DNAH10: variants seen among roughly 807,000 people sequenced by gnomAD.
DNAH10 encodes the protein axonemal beta dynein heavy chain 10.
DNAH10 carries 348 observed loss-of-function variants against 506.6 expected under a neutral mutation model. That is an observed-to-expected ratio of 0.69 (90% CI 0.63 to 0.75). The LOEUF is 0.75. Ranked by LOEUF, DNAH10 falls within the 30% of genes least tolerant of loss-of-function variation. The pLI is 0.00. For missense variants in DNAH10, 5,179 were observed against 5,787.1 expected (o/e 0.89, Z 3.41); for synonymous variants, 2,059 against 2,198.6 (o/e 0.94, Z 1.78).
At chr12:123,779,234 T>C (rs1957553297) in intron 5 of DNAH10, among the ~76,000 whole-genome samples, 1 of 151,690 alleles carries the variant, frequency 6.6e-6, no homozygotes, top group Admixed American at 6.6e-5. Flanking sequence ...AGAGATGGGG[T>C]CTCCCTATGT....
At chr12:123,899,301 T>C (rs529099984) in intron 56 of DNAH10, among the ~76,000 whole-genome samples, 39 of 152,302 alleles carry the variant, frequency 2.6e-4, no homozygotes, top group South Asian at 2.1e-4. Context: ...TCGCGATGCC[T>C]GGCACAGGAC....
chr12:123,897,162 G>T (rs1355892290), intron 54 of DNAH10, among the ~76,000 whole-genome samples: 1 of 152,166 alleles, frequency 6.6e-6, no homozygotes, highest in Non-Finnish European at 1.5e-5. Context: ...GCTCATCCGT[G>T]TTTCAGCATC....
chr12:123,916,528 G>T lies in DNAH10; in HGVS notation c.10794G>T (p.Leu3598=). The change falls in exon 63 of 79, where the codon CTG becomes CTT. Residue 3598 remains leucine, a synonymous_variant. Transcript: ENST00000673944. This position sits in a 1 kb window ranked among gnomAD's most constrained non-coding sequence, Gnocchi z 4.6. ...CCATAAAGTACGGGACCCCTTTCCT[G>T]TTCCGCGATGTTGATGAATACATCG... ...EMSIKYGTPF[L]FRDVDEYIDP... The T allele has an allele frequency of 6.2e-7, 1 of 1,613,860 alleles. No homozygotes were observed. Among genetic ancestry groups the T allele is most frequent in the Non-Finnish European group, 8.5e-7 (1 of 1,179,876 alleles).
intron 69 of DNAH10, chr12:123,927,215 T>A (rs1954985908): frequency 5.3e-6 from 1 of 190,452 alleles, no homozygotes; most frequent in Non-Finnish European, 1.1e-5. Flanking sequence ...CCTGGCTAAT[T>A]TTTTTGGTAT....
At chr12:123,768,117 TCTC>T (rs747242172) in intron 2 of DNAH10, among the ~76,000 whole-genome samples, 128 of 150,538 alleles carry the variant, frequency 8.5e-4, no homozygotes, top group Admixed American at 3.0e-3. Flanking sequence ...GTGTGTCCTC[TCTC>T]CTCCTCCTCC....
At position 123,789,831 on chromosome 12, in the gene DNAH10, C is replaced by T. The variant is rs187566203; in HGVS notation, c.1621-96C>T. On this transcript the variant is annotated intron_variant, in intron 10 of 78. Transcript: ENST00000673944. ...AGGTTACTGTGTGACATGATTCTTGCCCCCAGGTCAGTCTCGATATGCTAT... is the reference window on the plus strand; with the variant it reads ...AGGTTACTGTGTGACATGATTCTTGTCCCCAGGTCAGTCTCGATATGCTAT... 5.2e-6 allele frequency: 6 copies of T among 1,145,792 alleles called. No homozygotes were observed. The African/African-American group carries it at 7.8e-5, about 15-fold the overall frequency. The allele number at this position is 1,145,792 out of a possible 1,614,324, so 71.0% of individuals were successfully genotyped here.
intron 19 of DNAH10, among the ~76,000 whole-genome samples, chr12:123,810,200 G>A (rs1958877739): frequency 6.6e-6 from 1 of 152,140 alleles, no homozygotes; most frequent in African/African-American, 2.4e-5. Flanking sequence ...GAAAACCCAA[G>A]GTTTATGTCT....
rs1407687178 is a variant in DNAH10, at chr12:123,913,355, A to G, written c.10352+40A>G. 30 of 1,519,178 alleles carry G rather than the reference A, an allele frequency of 2.0e-5. No individual in the cohort carries two copies. In the East Asian group the frequency reaches 4.6e-4, roughly 23 times the overall value. The allele number at this position is 1,519,178 out of a possible 1,614,324, so 94.1% of individuals were successfully genotyped here. ...CGAGCCCACCTGTTGCGGTTTGTAA[A>G]CGGACGTCACCCACAGAGTTTCTCG... On this transcript the variant is annotated intron_variant, in intron 60 of 78. Transcript: ENST00000673944. This position sits in a 1 kb window ranked among gnomAD's most constrained non-coding sequence, Gnocchi z 5.1.
At chr12:123,763,947 C>G (rs1161975898) in intron 1 of DNAH10, among the ~76,000 whole-genome samples, 1 of 150,948 alleles carries the variant, frequency 6.6e-6, no homozygotes, top group South Asian at 2.1e-4. Flanking sequence ...CTCACTGCAA[C>G]CTCCACCTCC....
Position 123,918,702 on chromosome 12 carries a change from G to T in DNAH10, c.11259G>T (p.Glu3753Asp), listed in dbSNP as rs771349572. Residue 3753 changes from glutamate (E) to aspartate (D), a missense_variant, in exon 65 of 79, where the codon GAG (glutamate) becomes GAT (aspartate). Around this residue, in one of 3 missense-constraint regions of DNAH10, gnomAD observed 4,844 missense variants for 5,430.5 expected, o/e 0.89. Coordinates refer to ENST00000673944, the MANE Select transcript of DNAH10 (RefSeq NM_001372106.1). Reference protein sequence around the residue: ...TEVSEKLKLAEKTALDIDRLR... With the variant: ...TEVSEKLKLADKTALDIDRLR... The stretch of plus-strand genomic sequence containing the variant: ...TCTCAGAGAAACTCAAGCTGGCGGA[G>T]AAGACAGCCTTGGACATCGACAGGC... 24 of 1,567,556 alleles carry T rather than the reference G, an allele frequency of 1.5e-5. No individual in the cohort carries two copies. The highest frequency in any genetic ancestry group is 1.7e-4 in the Middle Eastern group (1 of 5,846).
In DNAH10 at chr12:123,796,657, T is replaced by C; in HGVS notation, c.1988T>C (p.Ile663Thr). 1 of 1,601,700 alleles carries C rather than the reference T, an allele frequency of 6.2e-7. No homozygotes were observed. The highest frequency in any genetic ancestry group is 8.5e-7 in the Non-Finnish European group (1 of 1,174,208). ...NDILAQYCKE[I>T]DIINKIFVQN... ...AGAAGCTGTTTGATTGCTTTTCAGATTGACATCATTAATAAAATCTTTGTC... is the reference window on the plus strand; with the variant it reads ...AGAAGCTGTTTGATTGCTTTTCAGACTGACATCATTAATAAAATCTTTGTC... The change falls in exon 13 of 79, where the codon ATT (isoleucine) becomes ACT (threonine). Residue 663 changes from isoleucine (I) to threonine (T), a missense_variant and splice_region_variant. By Grantham distance (89) the Ile-to-Thr change is moderately conservative. Transcript: ENST00000673944.
intron 51 of DNAH10, among the ~76,000 whole-genome samples, chr12:123,886,621 C>T (rs927509611): frequency 2.0e-5 from 3 of 151,970 alleles, no homozygotes; most frequent in Non-Finnish European, 4.4e-5. Context: ...TGTGTCAATG[C>T]ATAGGGTTGA....
intron 13 of DNAH10, among the ~76,000 whole-genome samples, chr12:123,798,991 G>A (rs1958381461): frequency 6.7e-6 from 1 of 149,050 alleles, no homozygotes; most frequent in South Asian, 2.1e-4. Context: ...TGTAATCCTA[G>A]CTACTTGGGA....
intron 64 of DNAH10, 109 bp from the exon 65 acceptor site, chr12:123,918,567 T>C (rs1432005805): frequency 7.4e-7 from 1 of 1,354,960 alleles, no homozygotes; most frequent in Non-Finnish European, 9.8e-7. Flanking sequence ...CTGGATACTT[T>C]CAAAGCCCTG....
rs1954296658 is a variant in DNAH10 at position 123,912,977 on chromosome 12, A to C, written c.10135-121A>C. The C allele has an allele frequency of 6.6e-6, 6 of 908,000 alleles. 1 individual carries two copies. Among genetic ancestry groups the C allele is most frequent in the Non-Finnish European group, 8.3e-6 (5 of 603,898 alleles). 56.2% of individuals were successfully genotyped at this position (908,000 alleles called of 1,614,324 possible). A position where few individuals can be genotyped will look rare whatever the true frequency, so the allele number is the denominator to read the frequency against. ...CCACGTGTCTCAACATAGCATATAG[A>C]GGCTCTGAAAAGCACAGACACCATT... On this transcript the variant is annotated intron_variant, in intron 59 of 78. Transcript: ENST00000673944.
chr12:123,789,632 C>T (rs1277771315), intron 10 of DNAH10, among the ~76,000 whole-genome samples: 1 of 152,128 alleles, frequency 6.6e-6, no homozygotes, highest in African/African-American at 2.4e-5. Context: ...GATCCGCCCC[C>T]CTCAGCCTCC....
chr12:123,768,216 C>A (rs1243587523), intron 2 of DNAH10, among the ~76,000 whole-genome samples: 1 of 152,036 alleles, frequency 6.6e-6, no homozygotes. Context: ...CTCACTGCAA[C>A]CTCCGCCTCC....
In DNAH10 at chr12:123,824,381, G is replaced by C. The variant is rs569011208; in HGVS notation, c.4180-2306G>C. ...TTCCTGTGGTGATGTTGAGGAAGCA[G>C]CACTTGGATGTATTTGTCTGGAGCT... On this transcript the variant is annotated intron_variant, in intron 24 of 78. Coordinates refer to ENST00000673944, the MANE Select transcript of DNAH10 (RefSeq NM_001372106.1). Among the ~76,000 whole-genome samples the C allele has an allele frequency of 3.9e-5, 6 of 152,294 alleles. No homozygotes were observed. The South Asian group carries it at 1.0e-3, about 26-fold the overall frequency.
At chr12:123,790,939 A>G (rs58812668) in intron 11 of DNAH10, among the ~76,000 whole-genome samples, 2,198 of 152,236 alleles carry the variant, frequency 0.014, 45 homozygotes, top group African/African-American at 0.047. Context: ...AGCCTGGGCA[A>G]CCTAGTGAGA....
Sources: allele counts gnomAD v4.1 joint callset (sites outside exome capture counted in the v4.1 genomes callset), GRCh38; gene constraint gnomAD v4.1.1; regional missense constraint gnomAD v4.1.1; non-coding constraint Gnocchi (gnomAD v3.1); transcripts MANE v1.5; gene names NCBI Gene and HGNC (gene_info 2026-07-23, HGNC 2026-07-21).